Variants in EXOC5 observed in about 807,000 individuals in gnomAD.
EXOC5 encodes exocyst complex component 5.
EXOC5 carries 17 observed loss-of-function variants against 90.8 expected under a neutral mutation model. The observed-to-expected ratio is 0.19, with a 90% CI of 0.13 to 0.28. EXOC5 has a LOEUF of 0.28. Among genes scored for constraint, EXOC5 ranks in the 10% least tolerant of loss-of-function variants. The probability of loss-of-function intolerance (pLI) is 1.00; values close to 1 mark genes in which losing one functional copy is unlikely to be tolerated. For missense variants in EXOC5, 569 were observed against 830.6 expected (o/e 0.69, Z 3.87); for synonymous variants, 260 against 270.0 (o/e 0.96, Z 0.36).
chr14:57,263,169 C>T (rs546280802), intron 1 of EXOC5, among the ~76,000 whole-genome samples: 2 of 152,246 alleles, frequency 1.3e-5, no homozygotes, highest in East Asian at 3.9e-4. Context: ...TATAAAAAGC[C>T]TTCTTAAAAC....
chr14:57,209,917 TAAC>T (rs763059159), intron 16 of EXOC5, 33 bp downstream of exon 16: 13 of 1,255,796 alleles, frequency 1.0e-5, no homozygotes, highest in Non-Finnish European at 1.0e-5. Context: ...ATGAAAATGT[TAAC>T]AAAGTATTAA....
At chr14:57,243,983 T>C (rs373224330) in intron 4 of EXOC5, 182 bp downstream of exon 4, 11 of 522,684 alleles carry the variant, frequency 2.1e-5, no homozygotes, top group Admixed American at 3.5e-5. Context: ...CATCTCAATA[T>C]TAACACTTCA....
Position 57,207,821 on chromosome 14 carries a change from T to C in EXOC5, c.*788A>G, listed in dbSNP as rs1278702453. ...AAAATAATGAATAAATATGGTCCTT[T>C]AGTTAAGGTCCTCCACCTTAAGTGA... On this transcript the variant is annotated 3_prime_UTR_variant, in exon 18 of 18. Coordinates refer to ENST00000621441, the MANE Select transcript of EXOC5 (RefSeq NM_006544.4). The C allele has an allele frequency of 6.6e-6, 1 of 152,114 alleles. No individual in the cohort carries two copies. Among genetic ancestry groups the C allele is most frequent in the Non-Finnish European group, 1.5e-5 (1 of 67,982 alleles). 9.4% of individuals were successfully genotyped at this position (152,114 alleles called of 1,614,324 possible). A position where few individuals can be genotyped will look rare whatever the true frequency, so the allele number is the denominator to read the frequency against.
chr14:57,252,568 A>G (rs1298418727), intron 1 of EXOC5, among the ~76,000 whole-genome samples: 3 of 152,328 alleles, frequency 2.0e-5, no homozygotes, highest in Non-Finnish European at 4.4e-5. Flanking sequence ...AGGAAATGCA[A>G]ATTAAAACCT....
intron 7 of EXOC5, among the ~76,000 whole-genome samples, chr14:57,234,510 C>CGTGTGT (rs375548706): frequency 0.013 from 1,710 of 130,574 alleles, 36 homozygotes; most frequent in African/African-American, 0.041. Flanking sequence ...TGTATATATA[C>CGTGTGT]GTGTGTGTGT....
chr14:57,215,228 T>A, intron 15 of EXOC5, among the ~76,000 whole-genome samples: 1 of 149,206 alleles, frequency 6.7e-6, no homozygotes, highest in African/African-American at 2.5e-5. Context: ...GGAGACTCCG[T>A]CTCAAAAAAA....
chr14:57,262,934 C>T (rs1884559185), intron 1 of EXOC5, among the ~76,000 whole-genome samples: 1 of 152,012 alleles, frequency 6.6e-6, no homozygotes, highest in Admixed American at 6.6e-5. Context: ...TCTTCTCTGT[C>T]ACCATTGAAT....
At chr14:57,258,251 C>T (rs761233556) in intron 1 of EXOC5, among the ~76,000 whole-genome samples, 10 of 152,070 alleles carry the variant, frequency 6.6e-5, no homozygotes, top group Non-Finnish European at 1.5e-4. Flanking sequence ...TGCACACGTA[C>T]GTTTACTGCA....
At chr14:57,238,744 C>T (rs1486618228) in intron 5 of EXOC5, among the ~76,000 whole-genome samples, 5 of 151,928 alleles carry the variant, frequency 3.3e-5, no homozygotes, top group African/African-American at 1.2e-4. Context: ...GAATTCATTA[C>T]ATGTTTGGGA....
intron 1 of EXOC5, among the ~76,000 whole-genome samples, chr14:57,249,411 T>C (rs1289196785): frequency 6.9e-6 from 1 of 144,670 alleles, no homozygotes; most frequent in Non-Finnish European, 1.5e-5. Flanking sequence ...AAACACGTTA[T>C]ACTGTTCATC....
At chr14:57,232,536 C>T in intron 10 of EXOC5, 131 bp downstream of exon 10, 2 of 519,764 alleles carry the variant, frequency 3.8e-6, no homozygotes, top group South Asian at 6.5e-5. Context: ...CTAGTCTATA[C>T]AGCTAAGCAT....
At chr14:57,265,088 G>A (rs888959883) in intron 1 of EXOC5, among the ~76,000 whole-genome samples, 7 of 149,808 alleles carry the variant, frequency 4.7e-5, no homozygotes, top group African/African-American at 1.5e-4. Flanking sequence ...AATCTCCAAC[G>A]AAACAGACTA....
chr14:57,213,310 A>T (rs1285222805), intron 15 of EXOC5, among the ~76,000 whole-genome samples: 1 of 151,050 alleles, frequency 6.6e-6, no homozygotes, highest in East Asian at 1.9e-4. Flanking sequence ...TGAACCCAGG[A>T]GTTCAAAGTT....
In EXOC5 at chr14:57,231,650, G is replaced by C; in HGVS notation, c.1004C>G (p.Ser335Cys). Residue 335 changes from serine (S) to cysteine (C), a missense_variant, in exon 11 of 18, where the codon TCT becomes TGT. This residue lies in a region of EXOC5 where 114 missense variants were observed against 111.2 expected (regional missense o/e 1.03). Coordinates refer to ENST00000621441, the MANE Select transcript of EXOC5 (RefSeq NM_006544.4). ...AATGAAAATGGATTTGATAAGCTTA[G>C]ACAAGAAAGTCTGTTTATCAGTACC... is the stretch of plus-strand genomic sequence containing the variant. ...NLGTDKQTFL[S>C]KLIKSIFISY... 6.2e-7 allele frequency: 1 copy of C among 1,613,046 alleles called. No homozygotes were observed. Among genetic ancestry groups the C allele is most frequent in the Non-Finnish European group, 8.5e-7 (1 of 1,179,330 alleles).
chr14:57,260,842 T>C (rs1369804918), intron 1 of EXOC5, among the ~76,000 whole-genome samples: 2 of 152,194 alleles, frequency 1.3e-5, no homozygotes, highest in Non-Finnish European at 2.9e-5. Context: ...TTAACATTTA[T>C]AGACTGTGAA....
chr14:57,227,967 C>A (rs1201425477), intron 12 of EXOC5, among the ~76,000 whole-genome samples: 1 of 150,904 alleles, frequency 6.6e-6, no homozygotes, highest in Non-Finnish European at 1.5e-5. Context: ...CACACACACA[C>A]ACACACACGT....
chr14:57,229,633 G>C lies in EXOC5; in HGVS notation c.1296+101C>G, dbSNP rs1594660574. 5.7e-5 allele frequency: 40 copies of C among 699,322 alleles called. No individual in the cohort carries two copies. In the East Asian group the frequency reaches 1.2e-3, roughly 20 times the overall value. The allele number at this position is 699,322 out of a possible 1,614,324, so 43.3% of individuals were successfully genotyped here. A position where few individuals can be genotyped will look rare whatever the true frequency, so the allele number is the denominator to read the frequency against. ...ACTACACACTTTATATAGCAGACTT[G>C]AGCATCCACGATTTTGGTATCCTCG... is the stretch of plus-strand genomic sequence containing the variant. On this transcript the variant is annotated intron_variant, in intron 12 of 17. Coordinates refer to ENST00000621441, the MANE Select transcript of EXOC5 (RefSeq NM_006544.4).
intron 9 of EXOC5, 100 bp from the exon 10 acceptor site, chr14:57,232,849 C>G (rs1883527407): frequency 1.8e-6 from 1 of 550,910 alleles, no homozygotes; most frequent in Non-Finnish European, 3.2e-6. Flanking sequence ...AGTTTTGAAC[C>G]TTTCTGACTT....
Position 57,206,097 on chromosome 14 carries a change from A to AT in EXOC5, c.*2511dup. 2 of 415,012 alleles carry AT rather than the reference A, an allele frequency of 4.8e-6. No homozygotes were observed. The highest frequency in any genetic ancestry group is 9.6e-6 in the Non-Finnish European group (2 of 209,284). The allele number at this position is 415,012 out of a possible 1,614,324, so 25.7% of individuals were successfully genotyped here. ...AAACAATGCACAGTGTGTTAAGAGC[A>AT]TATTTTCAACTTCATTCAATGCATT... On this transcript the variant is annotated 3_prime_UTR_variant, in exon 18 of 18. Transcript: ENST00000621441.
Sources: gnomAD v4.1 joint callset for allele counts (sites outside exome capture counted in the v4.1 genomes callset) on GRCh38, gnomAD v4.1.1 for gene constraint, gnomAD v4.1.1 regional missense constraint, MANE v1.5 for transcripts, NCBI Gene and HGNC (gene_info 2026-07-23, HGNC 2026-07-21) for gene names.